IL1RAPL1: variants seen among roughly 807,000 people sequenced by gnomAD.
IL1RAPL1 encodes the protein interleukin-1 receptor accessory protein-like 1.
In IL1RAPL1, 3 loss-of-function variants were observed where a neutral mutation model predicts 48.4. The observed-to-expected ratio is 0.06, with a 90% confidence interval of 0.03 to 0.16. IL1RAPL1 has a LOEUF of 0.16. IL1RAPL1 is among the 10% of genes least tolerant of loss of function. The pLI is 1.00. For synonymous variants in IL1RAPL1, 185 were observed against 187.7 expected, an observed-to-expected ratio of 0.99 and a Z score of 0.12; for missense variants, 349 against 530.6, an observed-to-expected ratio of 0.66 and a Z score of 3.36.
At chrX:28,731,225 C>T (rs898371785) in intron 1 of IL1RAPL1, among the ~76,000 whole-genome samples, 22 of 110,173 alleles carry the variant, frequency 2.0e-4, no homozygotes, top group Non-Finnish European at 2.8e-4. Flanking sequence ...TCTTTTTCAT[C>T]ATTATAAAAA....
intron 6 of IL1RAPL1, among the ~76,000 whole-genome samples, chrX:29,805,210 TATTTAGCATTAATTGCAGC>T (rs1821533291): frequency 8.9e-6 from 1 of 111,990 alleles, no homozygotes; most frequent in South Asian, 3.7e-4. Flanking sequence ...ATGTTAAAGT[TATTTAGCATTAATTGCAGC>T]ATTACACTGG....
intron 2 of IL1RAPL1, among the ~76,000 whole-genome samples, chrX:29,231,992 GAGTT>G (rs1931210452): frequency 9.0e-6 from 1 of 111,673 alleles, no homozygotes; most frequent in Admixed American, 9.5e-5. Context: ...ACAAGATAAT[GAGTT>G]AGAATTATAA....
intron 5 of IL1RAPL1, among the ~76,000 whole-genome samples, chrX:29,479,019 G>T (rs1221535701): frequency 1.8e-5 from 2 of 108,795 alleles, no homozygotes; most frequent in East Asian, 5.7e-4. Context: ...TATAATATCT[G>T]AAAGCAGAAG....
At chrX:29,316,765 T>C (rs1167681265) in intron 3 of IL1RAPL1, among the ~76,000 whole-genome samples, 3 of 111,716 alleles carry the variant, frequency 2.7e-5, no homozygotes, top group Non-Finnish European at 5.7e-5. Flanking sequence ...GATAAGGAAG[T>C]CTGTTAATCA....
intron 6 of IL1RAPL1, among the ~76,000 whole-genome samples, 175 bp from the exon 7 acceptor site, chrX:29,917,289 T>G (rs1168726878): frequency 8.9e-6 from 1 of 112,731 alleles, no homozygotes; most frequent in African/African-American, 3.2e-5. Context: ...AGCCATGTTG[T>G]CGAAAGCACA....
At chrX:28,874,599 T>G (rs1177675495) in intron 2 of IL1RAPL1, among the ~76,000 whole-genome samples, 1 of 112,301 alleles carries the variant, frequency 8.9e-6, no homozygotes, top group East Asian at 2.8e-4. Flanking sequence ...TGGTGTGTAA[T>G]TCACACTTTC....
At chrX:28,940,169 T>C (rs1484780397) in intron 2 of IL1RAPL1, among the ~76,000 whole-genome samples, 1 of 111,623 alleles carries the variant, frequency 9.0e-6, no homozygotes, top group African/African-American at 3.2e-5. Flanking sequence ...ATACCTCTTA[T>C]TACCTTTTCC....
chrX:28,727,732 T>A (rs1935696523), intron 1 of IL1RAPL1, among the ~76,000 whole-genome samples: 1 of 109,186 alleles, frequency 9.2e-6, no homozygotes, highest in Non-Finnish European at 1.9e-5. Context: ...TTATTGAGAG[T>A]TTTTAGCATG....
intron 3 of IL1RAPL1, among the ~76,000 whole-genome samples, chrX:29,335,039 C>T (rs1483399475): frequency 1.8e-5 from 2 of 111,912 alleles, no homozygotes; most frequent in Non-Finnish European, 3.8e-5. Context: ...CTCGGGAGGC[C>T]GAGGCTGGCG....
chrX:29,658,970 G>T, intron 5 of IL1RAPL1, among the ~76,000 whole-genome samples: 1 of 111,673 alleles, frequency 9.0e-6, no homozygotes, highest in South Asian at 3.7e-4. Flanking sequence ...CTCTTCAACT[G>T]CCCAAAGCAA....
chrX:29,304,397 T>C (rs1437967927), intron 3 of IL1RAPL1, among the ~76,000 whole-genome samples: 1 of 112,225 alleles, frequency 8.9e-6, no homozygotes, highest in Non-Finnish European at 1.9e-5. Flanking sequence ...AAATTCAAGC[T>C]TATTTAATAA....
chrX:29,745,432 T>G (rs890297247), intron 6 of IL1RAPL1, among the ~76,000 whole-genome samples: 2 of 45,041 alleles, frequency 4.4e-5, no homozygotes, highest in African/African-American at 2.3e-4. Context: ...GTTTTTTGTG[T>G]TTTTTTTTTT....
intron 1 of IL1RAPL1, among the ~76,000 whole-genome samples, chrX:28,678,890 T>C (rs1229545920): frequency 1.8e-5 from 2 of 112,497 alleles, no homozygotes; most frequent in African/African-American, 6.5e-5. Context: ...AATGCTGCAA[T>C]GAACATGGGA....
At chrX:28,627,993 C>A (rs1018629701) in intron 1 of IL1RAPL1, among the ~76,000 whole-genome samples, 2 of 111,320 alleles carry the variant, frequency 1.8e-5, no homozygotes, top group African/African-American at 6.5e-5. Flanking sequence ...ACAATAAGGT[C>A]GCCCGTCTGA....
At chrX:28,859,243 A>G in intron 2 of IL1RAPL1, among the ~76,000 whole-genome samples, 1 of 112,109 alleles carries the variant, frequency 8.9e-6, no homozygotes, top group African/African-American at 3.2e-5. Flanking sequence ...GGTCTCCTAC[A>G]AAAAAGATCT....
At chrX:29,034,925 C>A (rs910385784) in intron 2 of IL1RAPL1, among the ~76,000 whole-genome samples, 3 of 108,552 alleles carry the variant, frequency 2.8e-5, no homozygotes, top group African/African-American at 1.0e-4. Flanking sequence ...CGGGATCTCG[C>A]CTCACTGCAA....
At position 29,608,761 on chromosome X, in the gene IL1RAPL1, G is replaced by A. The variant is rs931264224; in HGVS notation, c.704-59669G>A. Among the ~76,000 whole-genome samples the A allele has an allele frequency of 5.8e-5, 6 of 103,883 alleles. No homozygotes were observed. In the East Asian group the frequency reaches 1.9e-3, roughly 33 times the overall value. 90.2% of individuals were successfully genotyped at this position (103,883 alleles called of 115,157 possible). ...GAATGGTGTGAACCTGGGAGGCGGA[G>A]CTTGCAGTGAGCCGAGATCTCACCA... On this transcript the variant is annotated intron_variant, in intron 5 of 10. Coordinates refer to ENST00000378993, the MANE Select transcript of IL1RAPL1 (RefSeq NM_014271.4).
chrX:29,915,168 C>T (rs953431372), intron 6 of IL1RAPL1, among the ~76,000 whole-genome samples: 4 of 111,712 alleles, frequency 3.6e-5, no homozygotes, highest in African/African-American at 9.8e-5. Context: ...CGTGGTGGCA[C>T]GTGCCTGTAA....
At chrX:29,475,516 A>C (rs1387631636) in intron 5 of IL1RAPL1, among the ~76,000 whole-genome samples, 1 of 112,149 alleles carries the variant, frequency 8.9e-6, no homozygotes, top group Non-Finnish European at 1.9e-5. Flanking sequence ...TGGAAAAATT[A>C]TTTCTTTTAC....
Sources: gnomAD v4.1 joint callset for allele counts (sites outside exome capture counted in the v4.1 genomes callset) on GRCh38, gnomAD v4.1.1 for gene constraint, MANE v1.5 for transcripts, NCBI Gene and HGNC (gene_info 2026-07-23, HGNC 2026-07-21) for gene names.